Variants in NSF observed in about 807,000 individuals in gnomAD.
The protein encoded by NSF is vesicle-fusing ATPase.
NSF carries 14 observed loss-of-function variants against 50.3 expected under a neutral mutation model. The ratio of observed to expected loss-of-function variants is 0.28; its 90% CI spans 0.18 to 0.44. NSF has a LOEUF of 0.44. Ranked by LOEUF, NSF falls within the 20% of genes least tolerant of loss-of-function variation. The pLI is 1.00. For synonymous variants in NSF, 109 were observed against 175.7 expected, an observed-to-expected ratio of 0.62 and a Z score of 3.00; for missense variants, 218 against 504.3, an observed-to-expected ratio of 0.43 and a Z score of 5.44.
intron 13 of NSF, among the ~76,000 whole-genome samples, chr17:46,707,329 A>G (rs1018238142): frequency 6.6e-6 from 1 of 152,132 alleles, no homozygotes; most frequent in Non-Finnish European, 1.5e-5. Context: ...TGCTTATTTG[A>G]TTGATACAAG....
chr17:46,710,906 T>A (rs2058713717), intron 13 of NSF, 57 bp from the exon 14 acceptor site: 2 of 1,467,498 alleles, frequency 1.4e-6, no homozygotes, highest in Admixed American at 2.5e-5. Context: ...TCGTCTTTTA[T>A]ACTGTTAGTT....
chr17:46,743,027 AG>A (rs1285254945), intron 17 of NSF, among the ~76,000 whole-genome samples: 1 of 152,132 alleles, frequency 6.6e-6, no homozygotes, highest in Non-Finnish European at 1.5e-5. Flanking sequence ...CCTCTCCCTG[AG>A]GCCCCACGCT....
intron 17 of NSF, among the ~76,000 whole-genome samples, chr17:46,731,221 A>G (rs2058945642): frequency 6.6e-6 from 1 of 152,200 alleles, no homozygotes; most frequent in South Asian, 2.1e-4. Flanking sequence ...TGCTAAGCAA[A>G]AGGAGCCAGT....
In NSF at chr17:46,755,894, G is replaced by A. The variant is rs373967413; in HGVS notation, c.*71G>A. On this transcript the variant is annotated 3_prime_UTR_variant, in exon 21 of 21. Transcript: ENST00000398238. Reference sequence around the variant, plus strand: ...GTGAAGATGGCCTAGGATCTTCACTGTCTTACTCAAGATACTGGACTAAGT... The same window carrying A: ...GTGAAGATGGCCTAGGATCTTCACTATCTTACTCAAGATACTGGACTAAGT... 75 of 1,469,884 alleles carry A rather than the reference G, an allele frequency of 5.1e-5. No individual in the cohort carries two copies. In the African/African-American group the frequency reaches 9.2e-4, roughly 18 times the overall value. 91.1% of individuals were successfully genotyped at this position (1,469,884 alleles called of 1,614,324 possible). A position where few individuals can be genotyped will look rare whatever the true frequency, so the allele number is the denominator to read the frequency against.
Position 46,713,941 on chromosome 17 carries a change from A to C in NSF, c.1716A>C (p.Lys572Asn). The C allele has an allele frequency of 6.2e-7, 1 of 1,607,986 alleles. No individual in the cohort carries two copies. The highest frequency in any genetic ancestry group is 8.5e-7 in the Non-Finnish European group (1 of 1,178,680). ...FPFIKICSPD[K>N]MIGFSETAKC... ...TCATCAAGATCTGTTCTCCTGATAA[A>C]ATGATTGGCTTTTCTGAAACAGCCA... The change falls in exon 15 of 21, where the codon AAA becomes AAC. Residue 572 changes from lysine to asparagine, a missense_variant. Lys to Asn is a moderately conservative substitution (Grantham distance 94). Transcript: ENST00000398238.
At chr17:46,732,883 G>A (rs2058964017) in intron 17 of NSF, among the ~76,000 whole-genome samples, 1 of 152,224 alleles carries the variant, frequency 6.6e-6, no homozygotes, top group African/African-American at 2.4e-5. Context: ...AGCAGCAGCA[G>A]CTAAGAAAGC....
intron 8 of NSF, among the ~76,000 whole-genome samples, chr17:46,661,380 TA>T (rs2058299186): frequency 4.6e-5 from 3 of 65,794 alleles, no homozygotes; most frequent in Non-Finnish European, 8.6e-5. Context: ...CATTTCTTTT[TA>T]TTATTATTAT....
chr17:46,694,111 G>T lies in NSF; in HGVS notation c.1186+190G>T, dbSNP rs1415360971. Among the ~76,000 whole-genome samples, 2 of 131,046 alleles carry T rather than the reference G, an allele frequency of 1.5e-5. 1 individual carries two copies. The highest frequency in any genetic ancestry group is 3.0e-5 in the Non-Finnish European group (2 of 67,122). 86.0% of individuals were successfully genotyped at this position (131,046 alleles called of 152,430 possible). A position where few individuals can be genotyped will look rare whatever the true frequency, so the allele number is the denominator to read the frequency against. The stretch of plus-strand genomic sequence containing the variant: ...CATAATAATCTCCTCTAGGCTGGGC[G>T]CAGTGGCTCACACCTGTAATCCCAG... On this transcript the variant is annotated intron_variant, in intron 11 of 20. Transcript: ENST00000398238.
At chr17:46,602,599 T>C in intron 1 of NSF, 1 of 52,972 alleles carries the variant, frequency 1.9e-5, no homozygotes, top group Non-Finnish European at 3.4e-5. Flanking sequence ...AAGGGCTGCA[T>C]TGGTGGGTTT....
intron 15 of NSF, among the ~76,000 whole-genome samples, chr17:46,725,859 C>G (rs867676204): frequency 6.6e-6 from 1 of 152,140 alleles, no homozygotes. Context: ...TCCAAAAAGG[C>G]TAGTCTCAAG....
intron 19 of NSF, 67 bp from the exon 20 acceptor site, chr17:46,755,247 C>T: frequency 1.6e-6 from 2 of 1,223,942 alleles, no homozygotes; most frequent in Non-Finnish European, 2.4e-6. Context: ...ACTGCCTTCT[C>T]ATGAAGCAAG....
chr17:46,751,528 A>G lies in NSF; in HGVS notation c.2069A>G (p.Glu690Gly). Residue 690 changes from glutamate to glycine, a missense_variant, in exon 19 of 21, where the codon GAA becomes GGA. By Grantham distance (98) the Glu-to-Gly change is moderately conservative. Coordinates refer to ENST00000398238, the MANE Select transcript of NSF (RefSeq NM_006178.4). ...CTTTTGGGCAACTTCAAGGATAAGG[A>G]ACGCACCACAATTGCACAGCAAGTC... is the stretch of plus-strand genomic sequence containing the variant. Reference protein sequence around the residue: ...LELLGNFKDKERTTIAQQVKG... With the variant: ...LELLGNFKDKGRTTIAQQVKG... 6.2e-7 allele frequency: 1 copy of G among 1,614,064 alleles called. No individual in the cohort carries two copies. Among genetic ancestry groups the G allele is most frequent in the Non-Finnish European group, 8.5e-7 (1 of 1,179,966 alleles).
chr17:46,755,907 T>C lies in NSF; in HGVS notation c.*84T>C. ...AGGATCTTCACTGTCTTACTCAAGA[T>C]ACTGGACTAAGTGGAACGTTCTCTA... On this transcript the variant is annotated 3_prime_UTR_variant, in exon 21 of 21. Coordinates refer to ENST00000398238, the MANE Select transcript of NSF (RefSeq NM_006178.4). 7.3e-7 allele frequency: 1 copy of C among 1,373,076 alleles called. No individual in the cohort carries two copies. The highest frequency in any genetic ancestry group is 1.0e-6 in the Non-Finnish European group (1 of 977,130). The allele number at this position is 1,373,076 out of a possible 1,614,324, so 85.1% of individuals were successfully genotyped here. A position where few individuals can be genotyped will look rare whatever the true frequency, so the allele number is the denominator to read the frequency against.
At position 46,755,880 on chromosome 17, in the gene NSF, C is replaced by G; in HGVS notation, c.*57C>G. The G allele has an allele frequency of 6.5e-7, 1 of 1,537,068 alleles. No homozygotes were observed. Among genetic ancestry groups the G allele is most frequent in the Non-Finnish European group, 8.9e-7 (1 of 1,117,418 alleles). The stretch of plus-strand genomic sequence containing the variant: ...GGGAAGTGACCAAGGTGAAGATGGC[C>G]TAGGATCTTCACTGTCTTACTCAAG... On this transcript the variant is annotated 3_prime_UTR_variant, in exon 21 of 21. Coordinates refer to ENST00000398238, the MANE Select transcript of NSF (RefSeq NM_006178.4).
chr17:46,730,982 G>A (rs2058942878), intron 17 of NSF, among the ~76,000 whole-genome samples: 1 of 152,082 alleles, frequency 6.6e-6, no homozygotes, highest in Non-Finnish European at 1.5e-5. Context: ...TCCTCAAGAG[G>A]TTAAGCATAG....
At chr17:46,737,494 C>G (rs1404591826) in intron 17 of NSF, among the ~76,000 whole-genome samples, 1 of 151,894 alleles carries the variant, frequency 6.6e-6, no homozygotes. Context: ...GGTGCTGGGG[C>G]TTGGGGAAGG....
chr17:46,721,876 C>G, intron 15 of NSF: 1 of 1,589,286 alleles, frequency 6.3e-7, no homozygotes, highest in Non-Finnish European at 8.6e-7. Context: ...GAATTCTCCT[C>G]TGAGCGATAA....
At chr17:46,633,500 C>A (rs1351891700) in intron 4 of NSF, among the ~76,000 whole-genome samples, 2 of 140,030 alleles carry the variant, frequency 1.4e-5, no homozygotes, top group Non-Finnish European at 3.2e-5. Flanking sequence ...TCCTTAGCCT[C>A]CCAAAGTGCT....
intron 17 of NSF, among the ~76,000 whole-genome samples, chr17:46,731,171 G>A (rs1221115201): frequency 6.6e-6 from 1 of 151,978 alleles, no homozygotes; most frequent in Admixed American, 6.6e-5. Flanking sequence ...AAAAAAAGTA[G>A]TACCATTACA....
Sources: allele counts gnomAD v4.1 joint callset (sites outside exome capture counted in the v4.1 genomes callset), GRCh38; gene constraint gnomAD v4.1.1; transcripts MANE v1.5; gene names NCBI Gene and HGNC (gene_info 2026-07-23, HGNC 2026-07-21).